Variants in PPARD observed in about 807,000 individuals in gnomAD.
PPARD encodes the protein peroxisome proliferator activated receptor delta.
In PPARD, 6 loss-of-function variants were observed where a neutral mutation model predicts 39.5. The observed-to-expected ratio is 0.15, with a 90% CI of 0.08 to 0.30. The LOEUF (loss-of-function observed/expected upper bound fraction) is 0.30, where lower values mean the gene tolerates loss of function less well. Ranked by LOEUF, PPARD falls within the 10% of genes least tolerant of loss-of-function variation. The pLI, the probability that PPARD is intolerant of heterozygous loss-of-function variation, is 1.00. For synonymous variants in PPARD, 210 were observed against 231.3 expected (o/e 0.91, Z 0.83); for missense variants, 397 against 596.8 (o/e 0.67, Z 3.49).
At chr6:35,381,840 A>G (rs1462975549) in intron 2 of PPARD, among the ~76,000 whole-genome samples, 4 of 152,152 alleles carry the variant, frequency 2.6e-5, no homozygotes, top group Non-Finnish European at 5.9e-5. Flanking sequence ...TTAATTTAGC[A>G]CCTACAATCT....
At position 35,391,681 on chromosome 6, in the gene PPARD, G is replaced by A. The variant is rs1017987634; in HGVS notation, c.-101-19306G>A. On this transcript the variant is annotated intron_variant, in intron 2 of 7. Transcript: ENST00000360694. ...CTCTGTCACGTGTAGCTGCAGTTAA[G>A]AAACATCCTAGTATAGTCAGACAAG... 7.9e-5 allele frequency among the ~76,000 whole-genome samples: 12 copies of A among 152,330 alleles called. No homozygotes were observed. In the South Asian group the frequency reaches 2.3e-3, roughly 29 times the overall value.
rs368581718 is a variant in PPARD, at chr6:35,353,205, AG to A, written c.-102+6056del. ...TACTCTGTTCTTTGGGCAATGGGGG[AG>A]CCATCAGTGGTTTTGGAGCAAGGAG... is the stretch of plus-strand genomic sequence containing the variant. On this transcript the variant is annotated intron_variant, in intron 2 of 7. Coordinates refer to ENST00000360694, the MANE Select transcript of PPARD (RefSeq NM_006238.5). Among the ~76,000 whole-genome samples the A allele has an allele frequency of 4.1e-3, 620 of 152,276 alleles. 1 individual carries two copies. The highest frequency in any genetic ancestry group is 0.014 in the Middle Eastern group (4 of 294).
At chr6:35,349,277 G>A (rs928464847) in intron 2 of PPARD, among the ~76,000 whole-genome samples, 4 of 151,800 alleles carry the variant, frequency 2.6e-5, no homozygotes, top group South Asian at 4.2e-4. Context: ...CACCGGCCTC[G>A]GCCTCCCAAA....
At chr6:35,373,811 G>A (rs1245583748) in intron 2 of PPARD, among the ~76,000 whole-genome samples, 2 of 152,032 alleles carry the variant, frequency 1.3e-5, no homozygotes, top group East Asian at 3.9e-4. Context: ...GGGACTGCTG[G>A]CATGTGCCAC....
intron 4 of PPARD, among the ~76,000 whole-genome samples, chr6:35,421,403 T>C (rs553102709): frequency 1.3e-5 from 2 of 152,134 alleles, no homozygotes; most frequent in African/African-American, 4.8e-5. Context: ...AATGGCGCGA[T>C]CTTGGCTGAC....
chr6:35,347,219 A>C, intron 2 of PPARD, 69 bp downstream of exon 2: 1 of 1,494,408 alleles, frequency 6.7e-7, no homozygotes, highest in Non-Finnish European at 9.0e-7. Flanking sequence ...TAAGATCCTG[A>C]CCTTGAAGAT....
chr6:35,412,693 C>T lies in PPARD; in HGVS notation c.130+1476C>T, dbSNP rs1765508216. Among the ~76,000 whole-genome samples the T allele has an allele frequency of 6.6e-6, 1 of 152,174 alleles. No homozygotes were observed. Among genetic ancestry groups the T allele is most frequent in the African/African-American group, 2.4e-5 (1 of 41,442 alleles). ...AGTATAGAGCCATCATTCAGTCCTT[C>T]TCATCTCACCCAGGATCACCTGGGA... On this transcript the variant is annotated intron_variant, in intron 3 of 7. Coordinates refer to ENST00000360694, the MANE Select transcript of PPARD (RefSeq NM_006238.5). This position sits in a 1 kb window ranked among gnomAD's most constrained non-coding sequence, Gnocchi z 4.1.
intron 2 of PPARD, among the ~76,000 whole-genome samples, chr6:35,373,556 G>A (rs1188209572): frequency 3.9e-5 from 6 of 152,154 alleles, no homozygotes; most frequent in Non-Finnish European, 7.4e-5. Flanking sequence ...GGAGCTTTCT[G>A]TTCTTTGAAC....
At chr6:35,362,558 C>T (rs761549913) in intron 2 of PPARD, among the ~76,000 whole-genome samples, 1 of 151,740 alleles carries the variant, frequency 6.6e-6, no homozygotes, top group Non-Finnish European at 1.5e-5. Flanking sequence ...AAAAAAGATG[C>T]ACAGACAGTA....
At chr6:35,362,178 T>G (rs1241860530) in intron 2 of PPARD, among the ~76,000 whole-genome samples, 1 of 152,200 alleles carries the variant, frequency 6.6e-6, no homozygotes. Context: ...GGGATGCTGT[T>G]TAACATTTAG....
chr6:35,382,667 G>T (rs1216625661), intron 2 of PPARD, among the ~76,000 whole-genome samples: 1 of 152,180 alleles, frequency 6.6e-6, no homozygotes, highest in African/African-American at 2.4e-5. Flanking sequence ...TTCTAAACAG[G>T]CATATCCCAG....
At chr6:35,387,485 T>A (rs1411684263) in intron 2 of PPARD, among the ~76,000 whole-genome samples, 1 of 151,996 alleles carries the variant, frequency 6.6e-6, no homozygotes, top group Non-Finnish European at 1.5e-5. Flanking sequence ...GGACTCAGGA[T>A]CTCCCACCCC....
Position 35,411,041 on chromosome 6 carries a change from A to C in PPARD, c.-47A>C. 1 of 1,440,938 alleles carries C rather than the reference A, an allele frequency of 6.9e-7. No individual in the cohort carries two copies. The highest frequency in any genetic ancestry group is 9.2e-7 in the Non-Finnish European group (1 of 1,089,470). The allele number at this position is 1,440,938 out of a possible 1,614,324, so 89.3% of individuals were successfully genotyped here. ...TCTGCGTTCAGACCCAGACGATGCC[A>C]GAGCTATGACTGGGCCTGCAGGTGT... On this transcript the variant is annotated 5_prime_UTR_variant, in exon 3 of 8. Coordinates refer to ENST00000360694, the MANE Select transcript of PPARD (RefSeq NM_006238.5).
chr6:35,379,414 C>T (rs547380189), intron 2 of PPARD, among the ~76,000 whole-genome samples: 571 of 152,304 alleles, frequency 3.7e-3, no homozygotes, highest in Non-Finnish European at 6.3e-3. Flanking sequence ...CAGTAGGCAT[C>T]TTTGCCCAAC....
At chr6:35,396,355 C>A (rs1411179478) in intron 2 of PPARD, among the ~76,000 whole-genome samples, 1 of 151,424 alleles carries the variant, frequency 6.6e-6, no homozygotes, top group African/African-American at 2.4e-5. Flanking sequence ...TAGGCGCCCG[C>A]CACCACGCCT....
At position 35,420,161 on chromosome 6, in the gene PPARD, G is replaced by A; in HGVS notation, c.165G>A (p.Leu55=). Residue 55 remains leucine (L), a synonymous_variant, in exon 4 of 8, where the codon CTG becomes CTA. Coordinates refer to ENST00000360694, the MANE Select transcript of PPARD (RefSeq NM_006238.5). The stretch of plus-strand genomic sequence containing the variant: ...GGAGCTCCTCGCCACCCTCACTGCT[G>A]GACCAACTGCAGATGGGCTGTGACG... ...LSRSSSPPSL[L]DQLQMGCDGA... 6.2e-7 allele frequency: 1 copy of A among 1,613,678 alleles called. No homozygotes were observed. The highest frequency in any genetic ancestry group is 1.7e-5 in the Admixed American group (1 of 59,986).
intron 2 of PPARD, chr6:35,348,882 G>C: frequency 1.0e-6 from 1 of 985,446 alleles, no homozygotes; most frequent in Non-Finnish European, 1.2e-6. Flanking sequence ...GAGCTACTGA[G>C]TTGAACTGAT....
intron 5 of PPARD, among the ~76,000 whole-genome samples, chr6:35,422,965 C>T (rs1217046622): frequency 6.7e-6 from 1 of 149,994 alleles, no homozygotes; most frequent in Non-Finnish European, 1.5e-5. Context: ...CACCTGTAAT[C>T]CCATCACTTT....
chr6:35,425,712 G>A lies in PPARD; in HGVS notation c.1079-120G>A. The A allele has an allele frequency of 7.1e-7, 1 of 1,410,832 alleles. No homozygotes were observed. The highest frequency in any genetic ancestry group is 9.7e-7 in the Non-Finnish European group (1 of 1,033,574). The allele number at this position is 1,410,832 out of a possible 1,614,324, so 87.4% of individuals were successfully genotyped here. Reference sequence around the variant, plus strand: ...CAGTGGAGCATTGCTGATGGGACAGGGCTTGGTCTGTCACGGCCAAGGAGG... The same window carrying A: ...CAGTGGAGCATTGCTGATGGGACAGAGCTTGGTCTGTCACGGCCAAGGAGG... On this transcript the variant is annotated intron_variant, in intron 7 of 7. Coordinates refer to ENST00000360694, the MANE Select transcript of PPARD (RefSeq NM_006238.5). The surrounding 1 kb of genome is among the most constrained non-coding windows in gnomAD (Gnocchi z 4.5).
Sources: allele counts gnomAD v4.1 joint callset (sites outside exome capture counted in the v4.1 genomes callset), GRCh38; gene constraint gnomAD v4.1.1; non-coding constraint Gnocchi (gnomAD v3.1); transcripts MANE v1.5; gene names NCBI Gene and HGNC (gene_info 2026-07-23, HGNC 2026-07-21).